The following STK3 variants were observed in gnomAD, a reference collection of about 807,000 sequenced individuals.
STK3 encodes the protein serine/threonine kinase 3.
STK3 carries 41 observed loss-of-function variants against 58.0 expected under a neutral mutation model. The ratio of observed to expected loss-of-function variants is 0.71; its 90% CI spans 0.55 to 0.92. STK3 has a LOEUF of 0.92. STK3 is among the 40% of genes least tolerant of loss of function. The probability of loss-of-function intolerance (pLI) is 0.00; values close to 1 mark genes in which losing one functional copy is unlikely to be tolerated. For missense variants in STK3, 479 were observed against 602.7 expected (o/e 0.79, Z 2.15); for synonymous variants, 170 against 191.0 (o/e 0.89, Z 0.91).
Position 98,504,350 on chromosome 8 carries a change from T to C in STK3, c.1317+22392A>G, listed in dbSNP as rs751299464. Among the ~76,000 whole-genome samples the C allele has an allele frequency of 2.0e-4, 30 of 151,120 alleles. 1 individual carries two copies. Among genetic ancestry groups the C allele is most frequent in the Non-Finnish European group, 3.0e-5 (2 of 67,706 alleles). ...GGTCTTGACGCTTTATCCAATTTGC[T>C]AGTCTGTGTCTTTTAATTGGGGCAT... On this transcript the variant is annotated intron_variant, in intron 10 of 10. Transcript: ENST00000419617.
At chr8:98,585,502 T>G (rs541892134) in intron 7 of STK3, among the ~76,000 whole-genome samples, 6 of 150,974 alleles carry the variant, frequency 4.0e-5, no homozygotes, top group East Asian at 2.0e-4. Context: ...ACTGTAGCCT[T>G]GTAGTATAGT....
chr8:98,505,225 T>C (rs1823961281), intron 10 of STK3, among the ~76,000 whole-genome samples: 1 of 152,246 alleles, frequency 6.6e-6, no homozygotes, highest in African/African-American at 2.4e-5. Context: ...TCTCCTGCCA[T>C]GGTTTTCAGT....
At chr8:98,541,626 A>G (rs1173847084) in intron 9 of STK3, among the ~76,000 whole-genome samples, 1 of 152,224 alleles carries the variant, frequency 6.6e-6, no homozygotes, top group Non-Finnish European at 1.5e-5. Flanking sequence ...TGTTTCCTCC[A>G]ATAAACTCTC....
At chr8:98,623,607 C>A (rs1193520950) in intron 6 of STK3, among the ~76,000 whole-genome samples, 2 of 152,114 alleles carry the variant, frequency 1.3e-5, no homozygotes, top group African/African-American at 4.8e-5. Context: ...AACGTAGCGA[C>A]AGCCCGTCTC....
intron 1 of STK3, among the ~76,000 whole-genome samples, chr8:98,910,454 A>C (rs192633443): frequency 6.6e-6 from 1 of 152,326 alleles, no homozygotes; most frequent in East Asian, 1.9e-4. Context: ...TCAAACTAAC[A>C]TGTCTTCCCT....
At chr8:98,394,198 G>A (rs1010550254) in intron 3 of STK3, among the ~76,000 whole-genome samples, 3 of 152,190 alleles carry the variant, frequency 2.0e-5, no homozygotes, top group African/African-American at 7.2e-5. Flanking sequence ...AGAGAAGCAT[G>A]CTTAAAACCA....
chr8:98,715,217 C>T (rs1826897117), intron 4 of STK3, among the ~76,000 whole-genome samples: 1 of 152,180 alleles, frequency 6.6e-6, no homozygotes, highest in Non-Finnish European at 1.5e-5. Flanking sequence ...AGGACATAGG[C>T]ATGGGTAAGG....
Position 98,843,014 on chromosome 8 carries a change from TA to T in STK3, c.110+40632del, listed in dbSNP as rs574774501. Among the ~76,000 whole-genome samples the T allele has an allele frequency of 2.8e-3, 419 of 151,600 alleles. 3 individuals carry two copies. The highest frequency in any genetic ancestry group is 9.8e-3 in the African/African-American group (404 of 41,410). On this transcript the variant is annotated intron_variant, in intron 3 of 12. Transcript: ENST00000523601. ...GCCTGGGTAATGGAGTAAGACTCCC[TA>T]AAAATAAATAAATAAATAAAGTGGT...
At chr8:98,653,921 C>T (rs930093517) in intron 6 of STK3, among the ~76,000 whole-genome samples, 3 of 152,166 alleles carry the variant, frequency 2.0e-5, no homozygotes, top group Non-Finnish European at 4.4e-5. Context: ...GGAACTGGTA[C>T]CATTCCTTCT....
chr8:98,537,845 T>C (rs1809898260), intron 9 of STK3, among the ~76,000 whole-genome samples: 1 of 152,140 alleles, frequency 6.6e-6, no homozygotes, highest in African/African-American at 2.4e-5. Flanking sequence ...AAAAGGTTGC[T>C]TTTCATCTCC....
chr8:98,391,267 C>T (rs1343755818), upstream of STK3: 1 of 152,244 alleles, frequency 6.6e-6, no homozygotes, highest in Non-Finnish European at 1.5e-5. Flanking sequence ...AGTGTCAATT[C>T]TGTTTTCAAA....
At chr8:98,498,996 A>G (rs1038854396) in intron 10 of STK3, among the ~76,000 whole-genome samples, 3 of 152,176 alleles carry the variant, frequency 2.0e-5, no homozygotes, top group African/African-American at 7.2e-5. Context: ...AAGAATGGGG[A>G]GATAATTCTG....
chr8:98,938,309 C>T (rs959818921), intron 1 of STK3, among the ~76,000 whole-genome samples: 3 of 151,968 alleles, frequency 2.0e-5, no homozygotes, highest in Non-Finnish European at 2.9e-5. Flanking sequence ...GCTCTTTGGC[C>T]GAGGAGAGAA....
chr8:98,636,096 A>C (rs1295579481), intron 6 of STK3, among the ~76,000 whole-genome samples: 2 of 152,162 alleles, frequency 1.3e-5, no homozygotes, highest in Non-Finnish European at 2.9e-5. Context: ...CAATGATAAT[A>C]ATATCAATTA....
At chr8:98,940,168 G>A (rs1840353914) in intron 1 of STK3, among the ~76,000 whole-genome samples, 1 of 152,076 alleles carries the variant, frequency 6.6e-6, no homozygotes, top group African/African-American at 2.4e-5. Context: ...AGACCGCGGA[G>A]CCCGAGCCGT....
At chr8:98,347,912 G>T in the STK3 span, among the ~76,000 whole-genome samples, 1 of 152,170 alleles carries the variant, frequency 6.6e-6, no homozygotes, top group Non-Finnish European at 1.5e-5. Context: ...TATCAACAGA[G>T]ATTCTAAAGT....
chr8:98,377,521 G>T (rs1040949593), intron 2 of STK3, among the ~76,000 whole-genome samples: 3 of 151,124 alleles, frequency 2.0e-5, no homozygotes, highest in East Asian at 1.9e-4. Context: ...TCTAATTAAA[G>T]ACAAATATAT....
Position 98,455,736 on chromosome 8 carries a change from C to T in STK3, c.*106G>A. ...TACCATTGTCACTTTTTGACCTCTG[C>T]CTAATTGTAGGGCAAAATCTTAGGA... On this transcript the variant is annotated 3_prime_UTR_variant, in exon 11 of 11. Transcript: ENST00000419617. The T allele has an allele frequency of 7.1e-7, 1 of 1,417,288 alleles. No individual in the cohort carries two copies. Among genetic ancestry groups the T allele is most frequent in the Non-Finnish European group, 9.6e-7 (1 of 1,045,278 alleles). 87.8% of individuals were successfully genotyped at this position (1,417,288 alleles called of 1,614,324 possible).
chr8:98,919,338 T>C (rs1236613900), intron 1 of STK3, among the ~76,000 whole-genome samples: 1 of 152,140 alleles, frequency 6.6e-6, no homozygotes, highest in East Asian at 1.9e-4. Flanking sequence ...TGTGTTGTCT[T>C]AGTAGATAAG....
Sources: gnomAD v4.1 joint callset for allele counts (sites outside exome capture counted in the v4.1 genomes callset) on GRCh38, gnomAD v4.1.1 for gene constraint, MANE v1.5 for transcripts, NCBI Gene and HGNC (gene_info 2026-07-23, HGNC 2026-07-21) for gene names.